TNFRSF1A: variants seen among roughly 807,000 people sequenced by gnomAD.
The protein encoded by TNFRSF1A is tumor necrosis factor receptor superfamily member 1A.
Under a neutral mutation model 41.6 loss-of-function variants are expected in TNFRSF1A, and 9 were observed. The observed-to-expected ratio is 0.22, with a 90% CI of 0.13 to 0.38. TNFRSF1A has a LOEUF of 0.38. Among genes scored for constraint, TNFRSF1A ranks in the 10% least tolerant of loss-of-function variants. The probability of loss-of-function intolerance (pLI) is 1.00; values close to 1 mark genes in which losing one functional copy is unlikely to be tolerated. For synonymous variants in TNFRSF1A, 254 were observed against 248.6 expected (o/e 1.02, Z -0.21); for missense variants, 463 against 591.5 (o/e 0.78, Z 2.25).
chr12:6,335,090 A>T (rs192888641), intron 1 of TNFRSF1A, among the ~76,000 whole-genome samples: 47 of 152,256 alleles, frequency 3.1e-4, no homozygotes, highest in Non-Finnish European at 4.6e-4. Flanking sequence ...GGGGCGAGTG[A>T]TGTTCCCGTG....
intron 5 of TNFRSF1A, chr12:6,331,454 G>A (rs1050684818): frequency 1.9e-5 from 4 of 211,306 alleles, no homozygotes; most frequent in Admixed American, 5.3e-5. Flanking sequence ...TCGGGGAGTC[G>A]GGGTCAAACA....
chr12:6,339,841 T>TCTCTCACACACA (rs762783221), intron 1 of TNFRSF1A, among the ~76,000 whole-genome samples: 1 of 113,650 alleles, frequency 8.8e-6, no homozygotes, highest in Non-Finnish European at 1.8e-5. Context: ...TCTCTCTCTC[T>TCTCTCACACACA]CACACACACA....
rs962881566 is a variant in TNFRSF1A at position 6,341,272 on chromosome 12, C to T, written c.39+504G>A. 3.9e-5 allele frequency among the ~76,000 whole-genome samples: 6 copies of T among 152,134 alleles called. No homozygotes were observed. Among genetic ancestry groups the T allele is most frequent in the Non-Finnish European group, 7.4e-5 (5 of 68,002 alleles). ...CACTCCTCAACTCACTCCCCCACTT[C>T]ACCAGCCGCCAAAATCCTGCCCTAC... On this transcript the variant is annotated intron_variant, in intron 1 of 9. Coordinates refer to ENST00000162749, the MANE Select transcript of TNFRSF1A (RefSeq NM_001065.4). This position sits in a 1 kb window ranked among gnomAD's most constrained non-coding sequence, Gnocchi z 4.6.
At chr12:6,339,148 C>G (rs190561528) in intron 1 of TNFRSF1A, among the ~76,000 whole-genome samples, 1 of 152,158 alleles carries the variant, frequency 6.6e-6, no homozygotes, top group African/African-American at 2.4e-5. Flanking sequence ...GGCTTCCTGC[C>G]ACCCTGCCCA....
Position 6,333,914 on chromosome 12 carries a change from G to T in TNFRSF1A, c.194-49C>A. 1 of 1,601,986 alleles carries T rather than the reference G, an allele frequency of 6.2e-7. No individual in the cohort carries two copies. The highest frequency in any genetic ancestry group is 8.5e-7 in the Non-Finnish European group (1 of 1,173,700). On this transcript the variant is annotated intron_variant, in intron 2 of 9. Coordinates refer to ENST00000162749, the MANE Select transcript of TNFRSF1A (RefSeq NM_001065.4). The surrounding 1 kb of genome is among the most constrained non-coding windows in gnomAD (Gnocchi z 6.3). ...GGCTGCGGGTGAGAACACAAGGAAG[G>T]AGCCCCATGCTAGGGACAACAGCCA...
At chr12:6,336,274 T>G (rs1948118829) in intron 1 of TNFRSF1A, among the ~76,000 whole-genome samples, 1 of 151,898 alleles carries the variant, frequency 6.6e-6, no homozygotes, top group African/African-American at 2.4e-5. Flanking sequence ...CGTGTTCCCT[T>G]CTCTTTCCAG....
rs1471981102 is a variant in TNFRSF1A at position 6,337,921 on chromosome 12, A to G, written c.40-3677T>C. 6.6e-6 allele frequency among the ~76,000 whole-genome samples: 1 copy of G among 152,118 alleles called. No homozygotes were observed. The highest frequency in any genetic ancestry group is 1.5e-5 in the Non-Finnish European group (1 of 68,016). On this transcript the variant is annotated intron_variant, in intron 1 of 9. Coordinates refer to ENST00000162749, the MANE Select transcript of TNFRSF1A (RefSeq NM_001065.4). The surrounding 1 kb of genome is among the most constrained non-coding windows in gnomAD (Gnocchi z 4.6). The stretch of plus-strand genomic sequence containing the variant: ...TCTTCCACTCTAGTAGAAGCCAGTG[A>G]TTCCCAAAGAGGGAGGTGAGGAGAC...
At position 6,330,726 on chromosome 12, in the gene TNFRSF1A, G is replaced by C; in HGVS notation, c.626-15C>G. 1 of 1,608,602 alleles carries C rather than the reference G, an allele frequency of 6.2e-7. No homozygotes were observed. The highest frequency in any genetic ancestry group is 8.5e-7 in the Non-Finnish European group (1 of 1,175,018). On this transcript the variant is annotated splice_polypyrimidine_tract_variant and intron_variant, in intron 6 of 9. Transcript: ENST00000162749. Reference sequence around the variant, plus strand: ...CACTGTGGTGCCTGCAGACAAAGCAGGTGTTGGTCAGAGGAGCGGGCAGAG... The same window carrying C: ...CACTGTGGTGCCTGCAGACAAAGCACGTGTTGGTCAGAGGAGCGGGCAGAG...
At chr12:6,340,750 C>G (rs895983507) in intron 1 of TNFRSF1A, among the ~76,000 whole-genome samples, 3 of 152,144 alleles carry the variant, frequency 2.0e-5, no homozygotes, top group Non-Finnish European at 4.4e-5. Context: ...GTAGGCGCAG[C>G]CTTCAGAGGC....
chr12:6,336,628 A>G (rs1948123417), intron 1 of TNFRSF1A, among the ~76,000 whole-genome samples: 1 of 151,906 alleles, frequency 6.6e-6, no homozygotes, highest in South Asian at 2.1e-4. Flanking sequence ...TCCCGAAGGG[A>G]AGTCTCCCTC....
intron 1 of TNFRSF1A, among the ~76,000 whole-genome samples, chr12:6,340,301 A>T (rs552366362): frequency 1.8e-4 from 27 of 152,366 alleles, no homozygotes; most frequent in African/African-American, 5.8e-4. Flanking sequence ...AAACAACAGT[A>T]TGAGGTCAAG....
At position 6,334,045 on chromosome 12, in the gene TNFRSF1A, C is replaced by G. The variant is rs1206982359; in HGVS notation, c.193+46G>C. ...CAACTGGAAGAAGCAGAGAAAGAAG[C>G]AGCACCCCAGACCTGAGGGCATTCA... On this transcript the variant is annotated intron_variant, in intron 2 of 9. Transcript: ENST00000162749. The surrounding 1 kb of genome is among the most constrained non-coding windows in gnomAD (Gnocchi z 5.1). The G allele has an allele frequency of 6.2e-7, 1 of 1,613,728 alleles. No homozygotes were observed. The highest frequency in any genetic ancestry group is 1.1e-5 in the South Asian group (1 of 91,066).
intron 1 of TNFRSF1A, among the ~76,000 whole-genome samples, chr12:6,336,510 T>A (rs1592049845): frequency 1.3e-5 from 2 of 151,592 alleles, no homozygotes; most frequent in South Asian, 4.2e-4. Context: ...CTCCTTCCCA[T>A]CCCCACTCAA....
chr12:6,329,226 T>G lies in TNFRSF1A; in HGVS notation c.*86A>C. On this transcript the variant is annotated 3_prime_UTR_variant, in exon 10 of 10. Coordinates refer to ENST00000162749, the MANE Select transcript of TNFRSF1A (RefSeq NM_001065.4). ...GCGGCTGCTAGCTCCTGCTTGCCCC[T>G]GCAGGACCCCTCCTTTCCAGAAAAA... The G allele has an allele frequency of 1.5e-6, 2 of 1,345,560 alleles. No homozygotes were observed. The highest frequency in any genetic ancestry group is 2.0e-6 in the Non-Finnish European group (2 of 1,025,248). 83.4% of individuals were successfully genotyped at this position (1,345,560 alleles called of 1,614,324 possible).
Position 6,329,963 on chromosome 12 carries a change from G to T in TNFRSF1A, c.872C>A (p.Ser291Tyr). 6.3e-7 allele frequency: 1 copy of T among 1,580,836 alleles called. No individual in the cohort carries two copies. The highest frequency in any genetic ancestry group is 8.6e-7 in the Non-Finnish European group (1 of 1,161,716). The change falls in exon 9 of 10, where the codon TCC becomes TAC. Residue 291 changes from serine to tyrosine, a missense_variant. Transcript: ENST00000162749. ...ATAGGTGGAGCTGGAGGTGAAGGTG[G>T]AACTGGGCACGGGACTGAAGCCCAG... ...PTLGFSPVPS[S>Y]TFTSSSTYTP...
chr12:6,329,633 G>A lies in TNFRSF1A; in HGVS notation c.1058-11C>T, dbSNP rs1229521241. 6.3e-7 allele frequency: 1 copy of A among 1,589,076 alleles called. No homozygotes were observed. On this transcript the variant is annotated splice_polypyrimidine_tract_variant and intron_variant, in intron 9 of 9. Coordinates refer to ENST00000162749, the MANE Select transcript of TNFRSF1A (RefSeq NM_001065.4). ...TCGCGGGGTCATCAGCTGCGGGGAC[G>A]CGGGCCGGTGAGCCTCGGGCGGCAA... is the stretch of plus-strand genomic sequence containing the variant.
rs1217015663 is a variant in TNFRSF1A, at chr12:6,337,544, T to C, written c.40-3300A>G. 6.6e-6 allele frequency among the ~76,000 whole-genome samples: 1 copy of C among 151,802 alleles called. No individual in the cohort carries two copies. Among genetic ancestry groups the C allele is most frequent in the East Asian group, 1.9e-4 (1 of 5,182 alleles). On this transcript the variant is annotated intron_variant, in intron 1 of 9. Coordinates refer to ENST00000162749, the MANE Select transcript of TNFRSF1A (RefSeq NM_001065.4). The surrounding 1 kb of genome is among the most constrained non-coding windows in gnomAD (Gnocchi z 4.6). ...TTTAATGTCAAGGTGTTGGGGGAGG[T>C]CGTGGCAGCTTCTCCTCCAAGGGCC...
Position 6,329,374 on chromosome 12 carries a change from C to A in TNFRSF1A, c.1306G>T (p.Asp436Tyr). The A allele has an allele frequency of 1.3e-6, 2 of 1,531,516 alleles. No homozygotes were observed. Among genetic ancestry groups the A allele is most frequent in the Non-Finnish European group, 1.7e-6 (2 of 1,146,688 alleles). 94.9% of individuals were successfully genotyped at this position (1,531,516 alleles called of 1,614,324 possible). ...GGGCCGCAAAGCGCCTCCTCGATGT[C>A]CTCCAGGCAGCCCAGCAGGTCCATG... ...RDMDLLGCLE[D>Y]IEEALCGPAA... Residue 436 changes from aspartate (D) to tyrosine (Y), a missense_variant, in exon 10 of 10, where the codon GAC becomes TAC. Physicochemically the swap from Asp to Tyr is radical, Grantham distance 160 (BLOSUM62 -3). This residue lies in a region of TNFRSF1A where 277 missense variants were observed against 288.8 expected (regional missense o/e 0.96). Coordinates refer to ENST00000162749, the MANE Select transcript of TNFRSF1A (RefSeq NM_001065.4).
intron 5 of TNFRSF1A, among the ~76,000 whole-genome samples, chr12:6,332,493 C>G (rs1214547402): frequency 2.8e-5 from 4 of 144,170 alleles, no homozygotes; most frequent in African/African-American, 7.7e-5. Flanking sequence ...TGTTAAGAAA[C>G]TTGCCCAACG....
Sources: gnomAD v4.1 joint callset for allele counts (sites outside exome capture counted in the v4.1 genomes callset) on GRCh38, gnomAD v4.1.1 for gene constraint, gnomAD v4.1.1 regional missense constraint, Gnocchi (gnomAD v3.1) non-coding constraint, MANE v1.5 for transcripts, NCBI Gene and HGNC (gene_info 2026-07-23, HGNC 2026-07-21) for gene names.